UPP1: variants seen among roughly 807,000 people sequenced by gnomAD.
The protein encoded by UPP1 is UPase 1.
A neutral mutation model predicts 29.6 loss-of-function variants in UPP1; 25 were observed. The observed-to-expected ratio is 0.85, with a 90% CI of 0.62 to 1.18. UPP1 has a LOEUF of 1.18. UPP1 is among the 50% of genes most tolerant of loss of function. The pLI, the probability that UPP1 is intolerant of heterozygous loss-of-function variation, is 0.00. For missense variants in UPP1, 368 were observed against 410.4 expected (o/e 0.90, Z 0.89); for synonymous variants, 165 against 159.8 (o/e 1.03, Z -0.25).
At position 48,104,006 on chromosome 7, in the gene UPP1, T is replaced by TC. The variant is rs1162121042; in HGVS notation, c.436+596dup. 2.3e-5 allele frequency: 20 copies of TC among 866,742 alleles called. No individual in the cohort carries two copies. In the East Asian group the frequency reaches 5.1e-4, roughly 22 times the overall value. 53.7% of individuals were successfully genotyped at this position (866,742 alleles called of 1,614,324 possible). On this transcript the variant is annotated intron_variant, in intron 6 of 8. Coordinates refer to ENST00000395564, the MANE Select transcript of UPP1 (RefSeq NM_003364.4). ...AGGCCGAGGCGGGCGGATCACAAGA[T>TC]CGGGAGATCGAGACCATCCTGGCCA...
At chr7:48,094,003 T>C (rs1791988400) in intron 2 of UPP1, among the ~76,000 whole-genome samples, 7 of 152,038 alleles carry the variant, frequency 4.6e-5, no homozygotes, top group Admixed American at 4.6e-4. Flanking sequence ...CTACTAAAAA[T>C]ACAAAAATTA....
chr7:48,095,336 C>A (rs888671095), intron 3 of UPP1, among the ~76,000 whole-genome samples: 1 of 152,078 alleles, frequency 6.6e-6, no homozygotes, highest in Non-Finnish European at 1.5e-5. Flanking sequence ...TCTCACCCCC[C>A]CAGTTGTCTC....
In UPP1 at chr7:48,104,042, A is replaced by AC. The variant is rs1432012322; in HGVS notation, c.436+635dup. 9.9e-6 allele frequency: 5 copies of AC among 503,488 alleles called. No homozygotes were observed. The Admixed American group carries it at 1.9e-4, about 19-fold the overall frequency. The allele number at this position is 503,488 out of a possible 1,614,324, so 31.2% of individuals were successfully genotyped here. On this transcript the variant is annotated intron_variant, in intron 6 of 8. Coordinates refer to ENST00000395564, the MANE Select transcript of UPP1 (RefSeq NM_003364.4). Reference sequence around the variant, plus strand: ...AGACCATCCTGGCCAACATGGTGAAACCCCGTCTCTACTAAAATACAAAAG... The same window carrying AC: ...AGACCATCCTGGCCAACATGGTGAAACCCCCGTCTCTACTAAAATACAAAAG...
intron 2 of UPP1, among the ~76,000 whole-genome samples, chr7:48,093,572 G>T (rs778105607): frequency 2.6e-5 from 4 of 152,180 alleles, no homozygotes; most frequent in Non-Finnish European, 4.4e-5. Context: ...AGTTCAAAAC[G>T]TGAGTCTCAC....
Position 48,107,005 on chromosome 7 carries a change from T to G in UPP1, c.569T>G (p.Leu190Arg). The G allele has an allele frequency of 6.2e-7, 1 of 1,612,958 alleles. No individual in the cohort carries two copies. Among genetic ancestry groups the G allele is most frequent in the South Asian group, 1.1e-5 (1 of 91,018 alleles). The change falls in exon 7 of 9, where the codon CTG (leucine) becomes CGG (arginine). Residue 190 changes from leucine to arginine, a missense_variant. Coordinates refer to ENST00000395564, the MANE Select transcript of UPP1 (RefSeq NM_003364.4). ...CTTAACAAGAAGCTGGTGCAGGAGCTGTTGCTGTGTTCTGCAGAGCTGAGC... is the reference window on the plus strand; with the variant it reads ...CTTAACAAGAAGCTGGTGCAGGAGCGGTTGCTGTGTTCTGCAGAGCTGAGC... ...TDLNKKLVQE[L>R]LLCSAELSEF... is the part of the protein sequence containing the mutation.
chr7:48,107,311 T>A, intron 7 of UPP1, 50 bp from the exon 8 acceptor site: 1 of 1,576,918 alleles, frequency 6.3e-7, no homozygotes, highest in Non-Finnish European at 8.6e-7. Context: ...TGATGTGTTG[T>A]AGGAGCTTCT....
intron 6 of UPP1, chr7:48,105,460 A>G (rs562963702): frequency 6.6e-6 from 1 of 152,220 alleles, no homozygotes; most frequent in African/African-American, 2.4e-5. Context: ...GGAGCTCTGG[A>G]AAAGATCTGA....
At chr7:48,096,594 G>T (rs1792143167) in intron 3 of UPP1, among the ~76,000 whole-genome samples, 1 of 152,048 alleles carries the variant, frequency 6.6e-6, no homozygotes, top group African/African-American at 2.4e-5. Context: ...CACATGTGCT[G>T]GTCCTAAGCT....
chr7:48,108,027 T>A (rs532271429), intron 8 of UPP1, among the ~76,000 whole-genome samples, 191 bp from the exon 9 acceptor site: 5 of 151,440 alleles, frequency 3.3e-5, no homozygotes, highest in South Asian at 2.1e-4. Flanking sequence ...GAGGGAGGAG[T>A]CTTCCGAGCC....
chr7:48,104,284 A>G (rs1792606930), intron 6 of UPP1, among the ~76,000 whole-genome samples: 1 of 152,242 alleles, frequency 6.6e-6, no homozygotes, highest in Admixed American at 6.5e-5. Context: ...ATGAGATTTA[A>G]TGAGAAAGCA....
In UPP1 at chr7:48,108,391, T is replaced by A. The variant is rs749409627; in HGVS notation, c.*34T>A. The A allele has an allele frequency of 6.3e-7, 1 of 1,586,144 alleles. No individual in the cohort carries two copies. The highest frequency in any genetic ancestry group is 8.6e-7 in the Non-Finnish European group (1 of 1,159,512). On this transcript the variant is annotated 3_prime_UTR_variant, in exon 9 of 9. Transcript: ENST00000395564. The stretch of plus-strand genomic sequence containing the variant: ...CTGCACCTCCGCAGACCTGCTGTGA[T>A]GACTTGCCATTAAAAGCATTGTCCA...
At chr7:48,093,533 C>A (rs572395188) in intron 2 of UPP1, among the ~76,000 whole-genome samples, 1 of 152,318 alleles carries the variant, frequency 6.6e-6, no homozygotes, top group Admixed American at 6.5e-5. Context: ...CATTACAGGG[C>A]ATTTGGGGAT....
intron 1 of UPP1, chr7:48,089,695 C>T (rs1465503416): frequency 1.3e-5 from 2 of 152,254 alleles, no homozygotes; most frequent in East Asian, 3.9e-4. Context: ...CCCGTGCCTA[C>T]CTCTCCCACG....
At chr7:48,100,096 A>T (rs1792342409) in intron 4 of UPP1, among the ~76,000 whole-genome samples, 1 of 152,212 alleles carries the variant, frequency 6.6e-6, no homozygotes, top group African/African-American at 2.4e-5. Context: ...TGTGGACAAC[A>T]TAGAGCGTAA....
Position 48,089,399 on chromosome 7 carries a change from C to G in UPP1, c.-218C>G, listed in dbSNP as rs1389663952. On this transcript the variant is annotated 5_prime_UTR_variant, in exon 1 of 9. Transcript: ENST00000395564. ...GAGGATGGCGCCGCGGGTGTAGCGG[C>G]TCTCTGCGCAGGCCGAGTGGTGAGT... The G allele has an allele frequency of 2.6e-5, 4 of 152,380 alleles. No homozygotes were observed. The highest frequency in any genetic ancestry group is 5.9e-5 in the Non-Finnish European group (4 of 68,170). 9.4% of individuals were successfully genotyped at this position (152,380 alleles called of 1,614,324 possible).
At position 48,103,363 on chromosome 7, in the gene UPP1, C is replaced by G. The variant is rs140206015; in HGVS notation, c.388C>G (p.Arg130Gly). 2.5e-4 allele frequency: 407 copies of G among 1,613,836 alleles called. 1 individual carries two copies. The highest frequency in any genetic ancestry group is 3.3e-4 in the Non-Finnish European group (391 of 1,179,900). The change falls in exon 6 of 9, where the codon CGG (arginine) becomes GGG (glycine). Residue 130 changes from arginine to glycine, a missense_variant. Coordinates refer to ENST00000395564, the MANE Select transcript of UPP1 (RefSeq NM_003364.4). ...GCTCATAAAGCTGCTGTACTATGCC[C>G]GGTGCTCCAACGTCACTATCATCCG... ...HELIKLLYYARCSNVTIIRIG... is the reference protein window; with the variant it reads ...HELIKLLYYAGCSNVTIIRIG...
chr7:48,102,645 C>T (rs768607685), intron 5 of UPP1, among the ~76,000 whole-genome samples: 5 of 152,114 alleles, frequency 3.3e-5, no homozygotes, highest in Non-Finnish European at 7.4e-5. Context: ...TGTAAGGCTC[C>T]GTGACCGATT....
At position 48,108,283 on chromosome 7, in the gene UPP1, G is replaced by A. The variant is rs1463635657; in HGVS notation, c.859G>A (p.Val287Met). 13 of 1,614,116 alleles carry A rather than the reference G, an allele frequency of 8.1e-6. No homozygotes were observed. Among genetic ancestry groups the A allele is most frequent in the South Asian group, 5.5e-5 (5 of 91,074 alleles). ...EGDQISSPRN[V>M]LSEYQQRPQR... ...GGACCAGATCAGCAGCCCTCGCAAT[G>A]TGCTCAGCGAGTACCAGCAGAGGCC... Residue 287 changes from valine to methionine, a missense_variant, in exon 9 of 9, where the codon GTG (valine) becomes ATG (methionine). Transcript: ENST00000395564.
At chr7:48,099,573 C>T (rs1350832814) in intron 3 of UPP1, 97 bp from the exon 4 acceptor site, 2 of 831,774 alleles carry the variant, frequency 2.4e-6, no homozygotes, top group African/African-American at 1.7e-5. Context: ...CTTTCTCCCA[C>T]CATGAGCCTC....
Sources: allele counts gnomAD v4.1 joint callset (sites outside exome capture counted in the v4.1 genomes callset), GRCh38; gene constraint gnomAD v4.1.1; transcripts MANE v1.5; gene names NCBI Gene and HGNC (gene_info 2026-07-23, HGNC 2026-07-21).